Variants in SHC4 observed in about 807,000 individuals in gnomAD.
SHC4 encodes SHC-transforming protein 4.
SHC4 carries 41 observed loss-of-function variants against 69.4 expected under a neutral mutation model. That is an observed-to-expected ratio of 0.59 (90% CI 0.46 to 0.77). The LOEUF (loss-of-function observed/expected upper bound fraction) is 0.77, where lower values mean the gene tolerates loss of function less well. Ranked by LOEUF, SHC4 falls within the 30% of genes least tolerant of loss-of-function variation. The pLI is 0.00. For synonymous variants in SHC4, 318 were observed against 299.3 expected (o/e 1.06, Z -0.64); for missense variants, 777 against 783.8 (o/e 0.99, Z 0.10).
At position 48,857,711 on chromosome 15, in the gene SHC4, A is replaced by G. The variant is rs751953223; in HGVS notation, c.1051T>C (p.Leu351=). 6.2e-7 allele frequency: 1 copy of G among 1,602,148 alleles called. No homozygotes were observed. Among genetic ancestry groups the G allele is most frequent in the Non-Finnish European group, 8.5e-7 (1 of 1,173,362 alleles). ...RFKQYLKNPS[L]NTSCESEEVH... Reference sequence around the variant, plus strand: ...GCTGACCTTTCACAAGAAGTATTCAAAGAAGGATTTTTCAAGTACTGTTTA... The same window carrying G: ...GCTGACCTTTCACAAGAAGTATTCAGAGAAGGATTTTTCAAGTACTGTTTA... Residue 351 remains leucine, a synonymous_variant, in exon 7 of 12, where the codon TTG becomes CTG. Coordinates refer to ENST00000332408, the MANE Select transcript of SHC4 (RefSeq NM_203349.4).
chr15:48,855,235 T>C (rs1406368410), intron 8 of SHC4, among the ~76,000 whole-genome samples: 1 of 151,816 alleles, frequency 6.6e-6, no homozygotes, highest in Non-Finnish European at 1.5e-5. Flanking sequence ...AAATAAAAGT[T>C]GAAATTATAA....
intron 2 of SHC4, 83 bp from the exon 3 acceptor site, chr15:48,890,894 C>G (rs1021229868): frequency 6.8e-7 from 1 of 1,466,362 alleles, no homozygotes; most frequent in African/African-American, 1.4e-5. Flanking sequence ...GAAATTATCA[C>G]GACCAAAAAG....
At chr15:48,958,724 G>A (rs775722129) in intron 1 of SHC4, among the ~76,000 whole-genome samples, 2 of 152,176 alleles carry the variant, frequency 1.3e-5, no homozygotes, top group Non-Finnish European at 2.9e-5. Flanking sequence ...ACTATGTTGG[G>A]CACCTGGGAG....
intron 11 of SHC4, among the ~76,000 whole-genome samples, chr15:48,830,677 T>C (rs984119764): frequency 2.0e-5 from 3 of 152,214 alleles, no homozygotes; most frequent in Admixed American, 2.0e-4. Flanking sequence ...AACAAGCTTC[T>C]TGAAAAGACT....
chr15:48,955,846 A>G (rs1228275463), intron 1 of SHC4, among the ~76,000 whole-genome samples: 1 of 152,218 alleles, frequency 6.6e-6, no homozygotes, highest in Non-Finnish European at 1.5e-5. Flanking sequence ...AGAGTGCTGT[A>G]CACAGAACTG....
At chr15:48,952,985 TA>T (rs1332872268) in intron 1 of SHC4, among the ~76,000 whole-genome samples, 1 of 152,192 alleles carries the variant, frequency 6.6e-6, no homozygotes, top group African/African-American at 2.4e-5. Flanking sequence ...ACTGCAGCAC[TA>T]TTCACAATAG....
At chr15:48,933,210 T>C (rs1168638442) in intron 1 of SHC4, among the ~76,000 whole-genome samples, 1 of 152,158 alleles carries the variant, frequency 6.6e-6, no homozygotes, top group East Asian at 1.9e-4. Flanking sequence ...AACCAGACCC[T>C]GTGATTTTTC....
At chr15:48,837,535 A>C (rs1452973658) in intron 10 of SHC4, among the ~76,000 whole-genome samples, 1 of 152,164 alleles carries the variant, frequency 6.6e-6, no homozygotes, top group Non-Finnish European at 1.5e-5. Flanking sequence ...AATAATAATT[A>C]TAATCTAAAT....
At chr15:48,957,538 A>G (rs879267676) in intron 1 of SHC4, among the ~76,000 whole-genome samples, 1 of 152,214 alleles carries the variant, frequency 6.6e-6, no homozygotes, top group Non-Finnish European at 1.5e-5. Flanking sequence ...ACGGATGGTA[A>G]GAGTATACTG....
chr15:48,897,524 A>G (rs1900244173), intron 2 of SHC4, among the ~76,000 whole-genome samples: 1 of 149,274 alleles, frequency 6.7e-6, no homozygotes, highest in African/African-American at 2.5e-5. Context: ...ACACACACAC[A>G]CACACACACG....
At chr15:48,911,459 C>T (rs536476928) in intron 2 of SHC4, among the ~76,000 whole-genome samples, 3 of 152,204 alleles carry the variant, frequency 2.0e-5, no homozygotes, top group Admixed American at 1.3e-4. Context: ...TGAGTCCTTA[C>T]ATGTTAGGTG....
In SHC4 at chr15:48,962,986, T is replaced by A; in HGVS notation, c.30A>T (p.Ala10=). 1 of 1,611,040 alleles carries A rather than the reference T, an allele frequency of 6.2e-7. No homozygotes were observed. The part of the protein sequence containing the change: MRERGQDSL[A]GLVLYVGLFG... ...AGAGTCCTACATACAGCACGAGTCC[T>A]GCCAGGCTGTCCTGGCCGCGTTCTC... Residue 10 remains alanine (A), a synonymous_variant, in exon 1 of 12, where the codon GCA becomes GCT. Transcript: ENST00000332408.
intron 1 of SHC4, among the ~76,000 whole-genome samples, chr15:48,927,808 AC>A (rs1355182818): frequency 1.3e-5 from 2 of 152,116 alleles, no homozygotes; most frequent in Non-Finnish European, 2.9e-5. Context: ...CAAATGACAC[AC>A]CTCAGAGGCC....
At position 48,901,968 on chromosome 15, in the gene SHC4, G is replaced by A. The variant is rs150506844; in HGVS notation, c.657-11157C>T. On this transcript the variant is annotated intron_variant, in intron 2 of 11. Coordinates refer to ENST00000332408, the MANE Select transcript of SHC4 (RefSeq NM_203349.4). ...TGTAATCCCAGCACTTTGGGAGGCC[G>A]AGACAGGCAGATTGCCTGAGCTCAG... is the stretch of plus-strand genomic sequence containing the variant. Among the ~76,000 whole-genome samples, 254 of 152,146 alleles carry A rather than the reference G, an allele frequency of 1.7e-3. 1 individual carries two copies. The highest frequency in any genetic ancestry group is 5.7e-3 in the African/African-American group (238 of 41,508).
At chr15:48,913,793 C>G (rs1418879307) in intron 2 of SHC4, among the ~76,000 whole-genome samples, 3 of 152,186 alleles carry the variant, frequency 2.0e-5, no homozygotes, top group Non-Finnish European at 4.4e-5. Context: ...CTTCCTCTAC[C>G]CTTGGATTTC....
intron 8 of SHC4, among the ~76,000 whole-genome samples, chr15:48,851,719 A>G (rs1357552173): frequency 1.3e-5 from 2 of 152,206 alleles, no homozygotes; most frequent in Non-Finnish European, 2.9e-5. Context: ...TCATCCCTGT[A>G]CATACAACTC....
intron 1 of SHC4, among the ~76,000 whole-genome samples, chr15:48,927,291 T>C (rs1052791811): frequency 6.6e-6 from 1 of 152,190 alleles, no homozygotes; most frequent in Non-Finnish European, 1.5e-5. Flanking sequence ...CCTGCAGTCC[T>C]GGCTCTGGAA....
intron 1 of SHC4, among the ~76,000 whole-genome samples, chr15:48,961,476 T>C (rs777095987): frequency 1.1e-4 from 17 of 152,088 alleles, no homozygotes; most frequent in Non-Finnish European, 1.8e-4. Context: ...TGTGTGATGC[T>C]CCCCTGCAGC....
At chr15:48,904,742 C>T (rs1900377609) in intron 2 of SHC4, among the ~76,000 whole-genome samples, 1 of 151,468 alleles carries the variant, frequency 6.6e-6, no homozygotes, top group Non-Finnish European at 1.5e-5. Context: ...TGTAATTAGC[C>T]AAATGTGGTG....
Sources: allele counts gnomAD v4.1 joint callset (sites outside exome capture counted in the v4.1 genomes callset), GRCh38; gene constraint gnomAD v4.1.1; transcripts MANE v1.5; gene names NCBI Gene and HGNC (gene_info 2026-07-23, HGNC 2026-07-21).